SGCD: variants seen among roughly 807,000 people sequenced by gnomAD.
SGCD encodes sarcoglycan delta.
SGCD carries 18 observed loss-of-function variants against 36.6 expected under a neutral mutation model. The ratio of observed to expected loss-of-function variants is 0.49; its 90% CI spans 0.34 to 0.73. The LOEUF (loss-of-function observed/expected upper bound fraction) is 0.73, where lower values mean the gene tolerates loss of function less well. Ranked by LOEUF, SGCD falls within the 30% of genes least tolerant of loss-of-function variation. The probability of loss-of-function intolerance (pLI) is 0.01; values close to 1 mark genes in which losing one functional copy is unlikely to be tolerated. For missense variants in SGCD, 387 were observed against 346.7 expected (o/e 1.12, Z -0.92); for synonymous variants, 133 against 130.6 (o/e 1.02, Z -0.12).
intron 3 of SGCD, among the ~76,000 whole-genome samples, chr5:156,404,606 C>T (rs190052494): frequency 6.6e-5 from 10 of 152,306 alleles, no homozygotes; most frequent in Admixed American, 1.3e-4. Flanking sequence ...ATACAGAGCA[C>T]CTGACTGACC....
intron 6 of SGCD, among the ~76,000 whole-genome samples, chr5:156,602,800 CA>C (rs1761254643): frequency 6.6e-6 from 1 of 152,088 alleles, no homozygotes; most frequent in Non-Finnish European, 1.5e-5. Context: ...CCTACTTGGT[CA>C]TAGTGAATAA....
At chr5:156,121,715 T>TGACTGCCCAATACG (rs1345536985) in intron 2 of SGCD, among the ~76,000 whole-genome samples, 5 of 152,198 alleles carry the variant, frequency 3.3e-5, no homozygotes, top group Non-Finnish European at 7.4e-5. Flanking sequence ...AGTCCTTTGA[T>TGACTGCCCAATACG]GACTGCCCAA....
At chr5:155,821,110 C>A in the SGCD span, among the ~76,000 whole-genome samples, 3 of 152,048 alleles carry the variant, frequency 2.0e-5, no homozygotes, top group Non-Finnish European at 4.4e-5. Flanking sequence ...CCAGAAAAAG[C>A]AATAGAACAA....
intron 3 of SGCD, among the ~76,000 whole-genome samples, chr5:156,363,475 A>C (rs985970613): frequency 5.9e-5 from 9 of 152,170 alleles, no homozygotes; most frequent in African/African-American, 1.9e-4. Flanking sequence ...ATTTCTTCTC[A>C]TTAAGTTACC....
the SGCD span, among the ~76,000 whole-genome samples, chr5:155,775,944 G>T: frequency 0.09 from 13,626 of 152,168 alleles, 798 homozygotes; most frequent in South Asian, 0.2. Flanking sequence ...GCTGTCCAGG[G>T]TATATTAATC....
intron 1 of SGCD, among the ~76,000 whole-genome samples, chr5:155,966,460 G>A (rs929569350): frequency 6.6e-6 from 1 of 152,146 alleles, no homozygotes; most frequent in African/African-American, 2.4e-5. Flanking sequence ...GTGTGAGATA[G>A]CACTTCATAA....
intron 1 of SGCD, among the ~76,000 whole-genome samples, chr5:156,000,238 C>T (rs1758637121): frequency 6.8e-6 from 1 of 147,244 alleles, no homozygotes; most frequent in Non-Finnish European, 1.5e-5. Context: ...AGGTAGCACA[C>T]AGGTAGCACA....
chr5:156,186,753 C>T (rs1763771496), intron 3 of SGCD, among the ~76,000 whole-genome samples: 1 of 152,174 alleles, frequency 6.6e-6, no homozygotes, highest in Non-Finnish European at 1.5e-5. Flanking sequence ...TTAAGGCTCC[C>T]TTTTCTTCAA....
At chr5:156,323,404 G>T (rs1461579225), upstream of SGCD, among the ~76,000 whole-genome samples, 1 of 152,208 alleles carries the variant, frequency 6.6e-6, no homozygotes, top group Non-Finnish European at 1.5e-5. Context: ...AAATGGTCGA[G>T]TAGCTCCAGA....
At chr5:156,154,325 T>A (rs1762897950) in intron 3 of SGCD, among the ~76,000 whole-genome samples, 1 of 151,690 alleles carries the variant, frequency 6.6e-6, no homozygotes, top group Non-Finnish European at 1.5e-5. Context: ...CTCTCTTAGA[T>A]CTTCAAGCCC....
intron 1 of SGCD, among the ~76,000 whole-genome samples, chr5:156,076,286 T>A (rs1460601431): frequency 1.3e-5 from 2 of 152,150 alleles, no homozygotes; most frequent in African/African-American, 4.8e-5. Context: ...TTTTCCTGTT[T>A]TCCTTTTTCA....
At chr5:156,058,762 A>C (rs1302966654) in intron 1 of SGCD, among the ~76,000 whole-genome samples, 3 of 146,310 alleles carry the variant, frequency 2.1e-5, no homozygotes, top group Non-Finnish European at 4.6e-5. Context: ...TTATAAAGAT[A>C]TATAATGGAA....
At chr5:156,010,891 T>C (rs1758846596) in intron 1 of SGCD, among the ~76,000 whole-genome samples, 1 of 152,214 alleles carries the variant, frequency 6.6e-6, no homozygotes. Context: ...TTCCAGAAAA[T>C]AATTACTGAT....
intron 1 of SGCD, among the ~76,000 whole-genome samples, chr5:155,940,920 T>A (rs1471012916): frequency 6.6e-6 from 1 of 152,118 alleles, no homozygotes; most frequent in Non-Finnish European, 1.5e-5. Flanking sequence ...ATTATCCTGA[T>A]CATTTCATGA....
intron 3 of SGCD, among the ~76,000 whole-genome samples, chr5:156,204,644 A>G (rs746960540): frequency 1.6e-4 from 24 of 152,208 alleles, no homozygotes; most frequent in Admixed American, 7.9e-4. Flanking sequence ...TTCATCTGAG[A>G]GAAAGGGGTG....
chr5:156,125,417 G>A (rs1314262251), intron 3 of SGCD, among the ~76,000 whole-genome samples: 4 of 151,854 alleles, frequency 2.6e-5, no homozygotes, highest in Non-Finnish European at 5.9e-5. Context: ...AGTCATGAAT[G>A]GGCCTTCCTT....
chr5:156,526,636 G>A (rs1757654000), intron 4 of SGCD, among the ~76,000 whole-genome samples: 1 of 152,054 alleles, frequency 6.6e-6, no homozygotes, highest in South Asian at 2.1e-4. Context: ...AATTGGAAGG[G>A]TCATCTATAA....
rs886060301 is a variant in SGCD at position 156,763,046 on chromosome 5, G to T, written c.*3656G>T. 7 of 152,710 alleles carry T rather than the reference G, an allele frequency of 4.6e-5. No homozygotes were observed. The highest frequency in any genetic ancestry group is 4.1e-4 in the South Asian group (2 of 4,826). The allele number at this position is 152,710 out of a possible 1,614,324, so 9.5% of individuals were successfully genotyped here. On this transcript the variant is annotated 3_prime_UTR_variant, in exon 9 of 9. Transcript: ENST00000337851. ...AAACACAGGCTCAGAGGATGCCTGG[G>T]AACAGGGAGGATGGGATTAGTGGAA...
chr5:156,494,836 G>C (rs1756109800), intron 3 of SGCD, among the ~76,000 whole-genome samples: 1 of 152,032 alleles, frequency 6.6e-6, no homozygotes, highest in Non-Finnish European at 1.5e-5. Flanking sequence ...ATCCTCAAAT[G>C]TACCATACTC....
Sources: allele counts gnomAD v4.1 joint callset (sites outside exome capture counted in the v4.1 genomes callset), GRCh38; gene constraint gnomAD v4.1.1; transcripts MANE v1.5; gene names NCBI Gene and HGNC (gene_info 2026-07-23, HGNC 2026-07-21).